The following PLAG1 variants were observed in gnomAD, a reference collection of about 807,000 sequenced individuals.
PLAG1 encodes the protein PLAG1 zinc finger, also known as zinc finger protein PLAG1.
A neutral mutation model predicts 35.5 loss-of-function variants in PLAG1; 7 were observed. The observed-to-expected ratio is 0.20, with a 90% CI of 0.11 to 0.37. The LOEUF (loss-of-function observed/expected upper bound fraction) is 0.37. Among genes scored for constraint, PLAG1 ranks in the 10% least tolerant of loss-of-function variants. The pLI is 1.00. For missense variants in PLAG1, 454 were observed against 602.8 expected (o/e 0.75, Z 2.58); for synonymous variants, 229 against 225.4 (o/e 1.02, Z -0.14).
rs1811324066 is a variant in PLAG1 at position 56,165,378 on chromosome 8, C to G, written c.*865G>C. ...CAATGAAAATAAATTGCTGGCTGCACTTGACCCACCCCTTGGATGTGAAAG... is the reference window on the plus strand; with the variant it reads ...CAATGAAAATAAATTGCTGGCTGCAGTTGACCCACCCCTTGGATGTGAAAG... On this transcript the variant is annotated 3_prime_UTR_variant, in exon 5 of 5. Coordinates refer to ENST00000316981, the MANE Select transcript of PLAG1 (RefSeq NM_002655.3). 2 of 219,020 alleles carry G rather than the reference C, an allele frequency of 9.1e-6. No individual in the cohort carries two copies. The highest frequency in any genetic ancestry group is 1.3e-4 in the East Asian group (2 of 14,896). 13.6% of individuals were successfully genotyped at this position (219,020 alleles called of 1,614,324 possible).
chr8:56,169,866 A>G (rs969925413), intron 3 of PLAG1, among the ~76,000 whole-genome samples: 5 of 152,194 alleles, frequency 3.3e-5, no homozygotes, highest in African/African-American at 1.2e-4. Flanking sequence ...TTAAGAGACC[A>G]TAGAAATAAT....
intron 1 of PLAG1, among the ~76,000 whole-genome samples, chr8:56,196,634 C>A (rs1812375900): frequency 6.6e-6 from 1 of 152,066 alleles, no homozygotes; most frequent in Non-Finnish European, 1.5e-5. Context: ...GGGGATGGTG[C>A]AAGTACCACA....
In PLAG1 at chr8:56,168,126, T is replaced by A. The variant is rs1328718532; in HGVS notation, c.144A>T (p.Lys48Asn). The change falls in exon 4 of 5, where the codon AAA (lysine) becomes AAT (asparagine). Residue 48 changes from lysine (K) to asparagine (N), a missense_variant. Transcript: ENST00000316981. ...TGTGAGAGTAGGAGTGAACCTTTAATTTCTCAACACTGTTAAAGGCCTTGT... is the reference window on the plus strand; with the variant it reads ...TGTGAGAGTAGGAGTGAACCTTTAAATTCTCAACACTGTTAAAGGCCTTGT... ...LCDKAFNSVE[K>N]LKVHSYSHTG... The A allele has an allele frequency of 6.2e-7, 1 of 1,613,212 alleles. No homozygotes were observed. The highest frequency in any genetic ancestry group is 2.2e-5 in the East Asian group (1 of 44,882).
Position 56,168,287 on chromosome 8 carries a change from C to T in PLAG1, c.-18G>A. On this transcript the variant is annotated 5_prime_UTR_variant, in exon 4 of 5. Transcript: ENST00000316981. ...GTGGCCATCGCAGCCTAAACCAGGC[C>T]TTCTTGTTGGACACTTGGGAACTGC... 1.3e-6 allele frequency: 2 copies of T among 1,597,074 alleles called. No homozygotes were observed. The highest frequency in any genetic ancestry group is 1.7e-6 in the Non-Finnish European group (2 of 1,169,744).
At chr8:56,196,683 CGT>C (rs1260635022) in intron 1 of PLAG1, among the ~76,000 whole-genome samples, 1 of 152,230 alleles carries the variant, frequency 6.6e-6, no homozygotes, top group East Asian at 1.9e-4. Flanking sequence ...CTTGACCCCG[CGT>C]GTCTCCTGTC....
intron 2 of PLAG1, among the ~76,000 whole-genome samples, chr8:56,176,003 G>A (rs1811677467): frequency 6.8e-6 from 1 of 147,188 alleles, no homozygotes; most frequent in African/African-American, 2.5e-5. Flanking sequence ...GCCACGTTAA[G>A]TTAAAAGTTT....
At chr8:56,202,152 T>C (rs897548774) in intron 1 of PLAG1, among the ~76,000 whole-genome samples, 1 of 152,202 alleles carries the variant, frequency 6.6e-6, no homozygotes, top group Non-Finnish European at 1.5e-5. Context: ...TAAAGTTACT[T>C]ATCTTTAAAA....
At chr8:56,187,084 G>A (rs1812042311) in intron 1 of PLAG1, among the ~76,000 whole-genome samples, 2 of 152,128 alleles carry the variant, frequency 1.3e-5, no homozygotes, top group South Asian at 2.1e-4. Flanking sequence ...AACAAAATGG[G>A]GTTAAAACCC....
At chr8:56,183,664 T>C (rs577424511) in intron 1 of PLAG1, among the ~76,000 whole-genome samples, 1 of 152,322 alleles carries the variant, frequency 6.6e-6, no homozygotes, top group South Asian at 2.1e-4. Context: ...CAAATGTCTT[T>C]ATAATCTTTA....
chr8:56,210,606 GC>G (rs985213409), intron 1 of PLAG1, among the ~76,000 whole-genome samples: 2 of 152,196 alleles, frequency 1.3e-5, no homozygotes, highest in African/African-American at 4.8e-5. Context: ...TTTCCGCCAG[GC>G]CCTTTGGGAA....
At chr8:56,210,290 AT>A (rs1313416786) in intron 1 of PLAG1, among the ~76,000 whole-genome samples, 1 of 152,048 alleles carries the variant, frequency 6.6e-6, no homozygotes, top group African/African-American at 2.4e-5. Flanking sequence ...TTTTTTAAAA[AT>A]TTTTATTTGG....
chr8:56,168,405 A>C lies in PLAG1; in HGVS notation c.-117-19T>G. 2 of 1,220,728 alleles carry C rather than the reference A, an allele frequency of 1.6e-6. No homozygotes were observed. The highest frequency in any genetic ancestry group is 2.2e-6 in the Non-Finnish European group (2 of 928,646). The allele number at this position is 1,220,728 out of a possible 1,614,324, so 75.6% of individuals were successfully genotyped here. ...AAAGGGACTGGAAAAAAAAATAAGA[A>C]ACAACTAGTTTGTAACTAAACTCAA... On this transcript the variant is annotated intron_variant, in intron 3 of 4. Coordinates refer to ENST00000316981, the MANE Select transcript of PLAG1 (RefSeq NM_002655.3).
chr8:56,195,705 T>C (rs1238163184), intron 1 of PLAG1, among the ~76,000 whole-genome samples: 3 of 152,064 alleles, frequency 2.0e-5, no homozygotes, highest in Non-Finnish European at 2.9e-5. Flanking sequence ...TGAGGCCACC[T>C]CAGCCCAAAT....
intron 1 of PLAG1, among the ~76,000 whole-genome samples, chr8:56,180,890 C>T (rs548650744): frequency 1.9e-4 from 29 of 152,054 alleles, no homozygotes; most frequent in African/African-American, 6.0e-4. Context: ...AAAAAGTGGG[C>T]GAAGGATATG....
intron 2 of PLAG1, among the ~76,000 whole-genome samples, chr8:56,175,670 C>A (rs994351208): frequency 6.6e-6 from 1 of 151,960 alleles, no homozygotes; most frequent in South Asian, 2.1e-4. Context: ...TAAAAATTAG[C>A]CTTACTGATG....
In PLAG1 at chr8:56,162,995, G is replaced by T. The variant is rs939063371; in HGVS notation, c.*3248C>A. Reference sequence around the variant, plus strand: ...TTTTAAAAAACTGAACTTGGTAATAGGATTTTAAAATGAAAGTTTTAACAG... The same window carrying T: ...TTTTAAAAAACTGAACTTGGTAATATGATTTTAAAATGAAAGTTTTAACAG... On this transcript the variant is annotated 3_prime_UTR_variant, in exon 5 of 5. Transcript: ENST00000316981. 2.4e-5 allele frequency: 5 copies of T among 209,166 alleles called. No individual in the cohort carries two copies. Among genetic ancestry groups the T allele is most frequent in the Non-Finnish European group, 3.9e-5 (4 of 102,672 alleles). 13.0% of individuals were successfully genotyped at this position (209,166 alleles called of 1,614,324 possible). A position where few individuals can be genotyped will look rare whatever the true frequency, so the allele number is the denominator to read the frequency against.
rs149859154 is a variant in PLAG1 at position 56,193,866 on chromosome 8, C to G, written c.-321-14353G>C. ...ATTCGGTAGCAGGTACTACAGGCACCTGCTACCACACCTGGGTAATTTTTT... is the reference window on the plus strand; with the variant it reads ...ATTCGGTAGCAGGTACTACAGGCACGTGCTACCACACCTGGGTAATTTTTT... On this transcript the variant is annotated intron_variant, in intron 1 of 4. Coordinates refer to ENST00000316981, the MANE Select transcript of PLAG1 (RefSeq NM_002655.3). Among the ~76,000 whole-genome samples, 898 of 152,048 alleles carry G rather than the reference C, an allele frequency of 5.9e-3. 5 individuals are homozygous for G. Among genetic ancestry groups the G allele is most frequent in the African/African-American group, 0.019 (803 of 41,488 alleles).
At chr8:56,173,118 T>C (rs1811580410) in intron 2 of PLAG1, among the ~76,000 whole-genome samples, 3 of 152,196 alleles carry the variant, frequency 2.0e-5, no homozygotes, top group African/African-American at 4.8e-5. Context: ...TTTATGCTTA[T>C]TGTTCAATGA....
intron 2 of PLAG1, 60 bp from the exon 3 acceptor site, chr8:56,171,249 A>G (rs1434550755): frequency 4.0e-6 from 1 of 249,208 alleles, no homozygotes; most frequent in East Asian, 1.8e-4. Context: ...TAAATGATGG[A>G]AAATACAGGA....
Sources: gnomAD v4.1 joint callset for allele counts (sites outside exome capture counted in the v4.1 genomes callset) on GRCh38, gnomAD v4.1.1 for gene constraint, MANE v1.5 for transcripts, NCBI Gene and HGNC (gene_info 2026-07-23, HGNC 2026-07-21) for gene names.